Variants in FRMD4A observed in about 807,000 individuals in gnomAD.
FRMD4A encodes the protein FERM domain-containing protein 4A.
In FRMD4A, 29 loss-of-function variants were observed where a neutral mutation model predicts 129.1. That is an observed-to-expected ratio of 0.22 (90% CI 0.17 to 0.31). FRMD4A has a LOEUF of 0.31. FRMD4A is among the 10% of genes least tolerant of loss of function. The pLI, the probability that FRMD4A is intolerant of heterozygous loss-of-function variation, is 1.00. For missense variants in FRMD4A, 1,272 were observed against 1,375.8 expected, an observed-to-expected ratio of 0.92 and a Z score of 1.19; for synonymous variants, 634 against 571.6, an observed-to-expected ratio of 1.11 and a Z score of -1.56.
chr10:14,305,707 C>G (rs553409697), intron 2 of FRMD4A, among the ~76,000 whole-genome samples: 1 of 152,062 alleles, frequency 6.6e-6, no homozygotes, highest in South Asian at 2.1e-4. Context: ...TTCACAATAG[C>G]AAAGACATGA....
rs115387278 is a variant in FRMD4A, at chr10:13,974,454, T to C, written c.46-115542A>G. Among the ~76,000 whole-genome samples the C allele has an allele frequency of 6.3e-3, 959 of 152,246 alleles. 16 individuals are homozygous for C. The highest frequency in any genetic ancestry group is 0.021 in the African/African-American group (887 of 41,546). On this transcript the variant is annotated intron_variant, in intron 2 of 24. Transcript: ENST00000357447. ...TGGAAGCTCGGGGTGACAGTGCCGT[T>C]GGAGGATGCTGCCTGATTTCACTGG... is the stretch of plus-strand genomic sequence containing the variant.
chr10:13,991,781 G>T (rs2095604438), intron 2 of FRMD4A: 1 of 152,592 alleles, frequency 6.6e-6, no homozygotes, highest in South Asian at 2.1e-4. Flanking sequence ...AGAAGAGAAG[G>T]TTATAGGATT....
chr10:13,828,538 T>TCTTTC (rs1554923865), intron 3 of FRMD4A, among the ~76,000 whole-genome samples: 3 of 142,538 alleles, frequency 2.1e-5, no homozygotes, highest in Non-Finnish European at 3.1e-5. Context: ...TTTCTTTCTT[T>TCTTTC]TTTTTTTTTT....
At chr10:14,051,696 A>T (rs1834267121) in intron 2 of FRMD4A, among the ~76,000 whole-genome samples, 1 of 152,146 alleles carries the variant, frequency 6.6e-6, no homozygotes. Flanking sequence ...GAGAGGTGAG[A>T]CTGCAGTTCT....
Position 14,186,052 on chromosome 10 carries a change from C to T in FRMD4A, c.45+144006G>A, listed in dbSNP as rs546613776. 1.4e-4 allele frequency among the ~76,000 whole-genome samples: 22 copies of T among 151,912 alleles called. No individual in the cohort carries two copies. The South Asian group carries it at 4.4e-3, about 30-fold the overall frequency. On this transcript the variant is annotated intron_variant, in intron 2 of 24. Coordinates refer to ENST00000357447, the MANE Select transcript of FRMD4A (RefSeq NM_018027.5). ...AGAAGTGCGGGCTGGGACCTACCCC[C>T]GTAAAGGAGACACTGGAAACCATCG... is the stretch of plus-strand genomic sequence containing the variant.
At chr10:13,666,044 T>G in intron 18 of FRMD4A, 53 bp downstream of exon 18, 2 of 1,088,314 alleles carry the variant, frequency 1.8e-6, no homozygotes, top group South Asian at 2.5e-5. Flanking sequence ...TGGCGTCTGG[T>G]TGCCGGGGCC....
In FRMD4A at chr10:14,025,487, G is replaced by T. The variant is rs537704134; in HGVS notation, c.46-166575C>A. 1.8e-3 allele frequency among the ~76,000 whole-genome samples: 274 copies of T among 152,272 alleles called. 2 individuals are homozygous for T. The highest frequency in any genetic ancestry group is 5.9e-3 in the African/African-American group (244 of 41,552). ...TTTCATCAATGCTCTTCCTGGGATG[G>T]ACAAGGGATCAGACTGTGGATAACA... On this transcript the variant is annotated intron_variant, in intron 2 of 24. Transcript: ENST00000357447.
chr10:13,993,915 A>G (rs1224340066), intron 2 of FRMD4A, among the ~76,000 whole-genome samples: 1 of 151,498 alleles, frequency 6.6e-6, no homozygotes, highest in East Asian at 1.9e-4. Context: ...CTGAGGATCT[A>G]TTTTAAGATT....
At chr10:14,058,533 G>GT (rs1296174678) in intron 2 of FRMD4A, among the ~76,000 whole-genome samples, 3 of 152,114 alleles carry the variant, frequency 2.0e-5, no homozygotes, top group Non-Finnish European at 4.4e-5. Context: ...CCATAGTGTG[G>GT]TAAAAACTAG....
intron 2 of FRMD4A, among the ~76,000 whole-genome samples, chr10:14,038,069 T>C (rs1391329026): frequency 6.6e-6 from 1 of 152,214 alleles, no homozygotes; most frequent in East Asian, 1.9e-4. Flanking sequence ...ACGCCAGTAA[T>C]CCCAGCATTT....
chr10:13,922,301 TAA>T lies in FRMD4A; in HGVS notation c.46-63391_46-63390del, dbSNP rs5783362. On this transcript the variant is annotated intron_variant, in intron 2 of 24. Transcript: ENST00000357447. ...ACATTGGTGATAATCAGTGAAGAAT[TAA>T]AAAAAAAAAATAGAAGGTACTACGT... 1.7e-3 allele frequency among the ~76,000 whole-genome samples: 258 copies of T among 150,518 alleles called. 1 individual carries two copies. The highest frequency in any genetic ancestry group is 5.0e-3 in the African/African-American group (205 of 41,114).
chr10:13,773,550 A>G (rs920768950), intron 6 of FRMD4A, among the ~76,000 whole-genome samples: 14 of 152,230 alleles, frequency 9.2e-5, no homozygotes, highest in Non-Finnish European at 2.1e-4. Flanking sequence ...TGTAAAGAAG[A>G]TTGGGAGCTG....
chr10:14,025,853 G>A (rs138081240), intron 2 of FRMD4A, among the ~76,000 whole-genome samples: 10 of 152,322 alleles, frequency 6.6e-5, no homozygotes, highest in African/African-American at 2.4e-4. Context: ...GGGGTAGCCT[G>A]TGTCGGACTT....
Position 13,842,514 on chromosome 10 carries a change from T to C in FRMD4A, c.111+16333A>G, listed in dbSNP as rs111592363. On this transcript the variant is annotated intron_variant, in intron 3 of 24. Coordinates refer to ENST00000357447, the MANE Select transcript of FRMD4A (RefSeq NM_018027.5). ...TGCAAGGTACTTATAATTCCCATTTTAGTAACGAGAAAGTTGAGGTTCATA... is the reference window on the plus strand; with the variant it reads ...TGCAAGGTACTTATAATTCCCATTTCAGTAACGAGAAAGTTGAGGTTCATA... Among the ~76,000 whole-genome samples the C allele has an allele frequency of 2.9e-3, 447 of 152,266 alleles. 5 individuals carry two copies. The highest frequency in any genetic ancestry group is 0.01 in the African/African-American group (426 of 41,550).
chr10:14,020,236 A>G (rs1221938637), intron 2 of FRMD4A, among the ~76,000 whole-genome samples: 1 of 152,194 alleles, frequency 6.6e-6, no homozygotes, highest in Non-Finnish European at 1.5e-5. Flanking sequence ...GCAGCATAGC[A>G]GCAGCCAGAG....
intron 22 of FRMD4A, 116 bp downstream of exon 22, chr10:13,656,513 AATTAATG>A: frequency 8.7e-7 from 1 of 1,151,324 alleles, no homozygotes; most frequent in Admixed American, 4.2e-5. Flanking sequence ...TCCCAGAATT[AATTAATG>A]ATTCCCGTTC....
At chr10:13,822,861 C>T (rs535740729) in intron 3 of FRMD4A, among the ~76,000 whole-genome samples, 1 of 152,292 alleles carries the variant, frequency 6.6e-6, no homozygotes, top group African/African-American at 2.4e-5. Flanking sequence ...TCACAGCTCC[C>T]TTTAATAGCT....
At chr10:14,145,016 G>C (rs1164661996) in intron 2 of FRMD4A, among the ~76,000 whole-genome samples, 7 of 152,118 alleles carry the variant, frequency 4.6e-5, no homozygotes, top group Non-Finnish European at 1.5e-5. Flanking sequence ...ATTAGATTGT[G>C]GTGGGAGCAA....
intron 2 of FRMD4A, among the ~76,000 whole-genome samples, chr10:14,309,608 C>T (rs1355193438): frequency 6.6e-6 from 1 of 152,064 alleles, no homozygotes; most frequent in African/African-American, 2.4e-5. Flanking sequence ...TGAGAACCCC[C>T]GAGGTAGCCA....
Sources: allele counts gnomAD v4.1 joint callset (sites outside exome capture counted in the v4.1 genomes callset), GRCh38; gene constraint gnomAD v4.1.1; transcripts MANE v1.5; gene names NCBI Gene and HGNC (gene_info 2026-07-23, HGNC 2026-07-21).